UBA2: variants seen among roughly 807,000 people sequenced by gnomAD.
UBA2 encodes SUMO-activating enzyme subunit 2.
Under a neutral mutation model 77.2 loss-of-function variants are expected in UBA2, and 11 were observed. The observed-to-expected ratio is 0.14, with a 90% confidence interval of 0.09 to 0.24. UBA2 has a LOEUF of 0.24. Among genes scored for constraint, UBA2 ranks in the 10% least tolerant of loss-of-function variants. The pLI, the probability that UBA2 is intolerant of heterozygous loss-of-function variation, is 1.00. For synonymous variants in UBA2, 278 were observed against 276.7 expected (o/e 1.00, Z -0.05); for missense variants, 487 against 781.7 (o/e 0.62, Z 4.50).
At position 34,464,032 on chromosome 19, in the gene UBA2, A is replaced by C; in HGVS notation, c.1505A>C (p.Asn502Thr). 1 of 1,611,298 alleles carries C rather than the reference A, an allele frequency of 6.2e-7. No individual in the cohort carries two copies. Among genetic ancestry groups the C allele is most frequent in the Non-Finnish European group, 8.5e-7 (1 of 1,177,420 alleles). Residue 502 changes from asparagine to threonine, a missense_variant, in exon 15 of 17, where the codon AAT becomes ACT. Asn to Thr is a moderately conservative substitution (Grantham distance 65, BLOSUM62 0). Transcript: ENST00000246548. ...AATTATTCACGTTTCCTAGCTAATA[A>C]TCACAAGAAGTTGTCAGAATTTGGA... The part of the protein sequence containing the change: ...SSEEGETEAN[N>T]HKKLSEFGIR...
At chr19:34,432,357 A>G (rs2075265116) in intron 3 of UBA2, among the ~76,000 whole-genome samples, 2 of 152,226 alleles carry the variant, frequency 1.3e-5, no homozygotes, top group African/African-American at 4.8e-5. Context: ...TAGTATTGAC[A>G]GTACATAAAT....
intron 5 of UBA2, among the ~76,000 whole-genome samples, chr19:34,436,922 G>A (rs769834912): frequency 1.3e-5 from 2 of 152,146 alleles, no homozygotes; most frequent in African/African-American, 2.4e-5. Flanking sequence ...GAGGCCTTCA[G>A]TATCTGTTGA....
intron 12 of UBA2, among the ~76,000 whole-genome samples, chr19:34,457,179 A>AAAATATATATATATAT (rs1262007864): frequency 2.6e-4 from 14 of 53,214 alleles, no homozygotes; most frequent in African/African-American, 1.1e-3. Context: ...AAAAAAAAAA[A>AAAATATATATATATAT]ATATATATAT....
chr19:34,436,581 GAGCCGCCATGCCT>G (rs1444240666), intron 5 of UBA2, among the ~76,000 whole-genome samples: 1 of 152,202 alleles, frequency 6.6e-6, no homozygotes, highest in African/African-American at 2.4e-5. Flanking sequence ...TTATAGGTGT[GAGCCGCCATGCCT>G]GGCACATATC....
intron 12 of UBA2, among the ~76,000 whole-genome samples, chr19:34,457,493 T>G (rs1473878790): frequency 6.6e-6 from 1 of 152,086 alleles, no homozygotes; most frequent in African/African-American, 2.4e-5. Flanking sequence ...CAGTTTCCCT[T>G]AGCACACTTA....
intron 14 of UBA2, among the ~76,000 whole-genome samples, chr19:34,463,170 G>T (rs2075650953): frequency 2.0e-5 from 3 of 152,142 alleles, no homozygotes; most frequent in Admixed American, 6.5e-5. Flanking sequence ...TCTGGAGGCT[G>T]AGGTAGGAAG....
intron 15 of UBA2, 33 bp downstream of exon 15, chr19:34,464,164 T>G (rs1187533498): frequency 7.3e-7 from 1 of 1,362,742 alleles, no homozygotes; most frequent in East Asian, 2.3e-5. Context: ...TTGTAAGAAA[T>G]TATTTGAATA....
At chr19:34,437,188 C>A (rs2075317675) in intron 5 of UBA2, among the ~76,000 whole-genome samples, 1 of 151,726 alleles carries the variant, frequency 6.6e-6, no homozygotes. Flanking sequence ...TCTCAAACTC[C>A]TGACCTCAGG....
chr19:34,442,448 TG>T (rs1232737382), intron 6 of UBA2, among the ~76,000 whole-genome samples: 3 of 152,158 alleles, frequency 2.0e-5, no homozygotes, highest in Non-Finnish European at 2.9e-5. Context: ...ATGCTTTTTT[TG>T]TTGTTGTTTT....
intron 13 of UBA2, among the ~76,000 whole-genome samples, chr19:34,459,873 G>GT (rs2075611681): frequency 6.6e-6 from 1 of 152,192 alleles, no homozygotes; most frequent in Non-Finnish European, 1.5e-5. Flanking sequence ...GAAGTGGCAG[G>GT]TACAGCAGCG....
At chr19:34,464,658 G>C (rs1599935173) in intron 15 of UBA2, among the ~76,000 whole-genome samples, 1 of 152,024 alleles carries the variant, frequency 6.6e-6, no homozygotes, top group African/African-American at 2.4e-5. Flanking sequence ...CTAGAGTCCA[G>C]GTGTTTGAAC....
chr19:34,436,297 ATTTATTTG>A (rs148148270), intron 5 of UBA2, among the ~76,000 whole-genome samples: 14,457 of 151,706 alleles, frequency 0.095, 1,120 homozygotes, highest in African/African-American at 0.21. Context: ...TGGTTTATTT[ATTTATTTG>A]TTTATTTTTT....
At chr19:34,459,429 T>C (rs1339867205) in intron 13 of UBA2, among the ~76,000 whole-genome samples, 1 of 152,080 alleles carries the variant, frequency 6.6e-6, no homozygotes, top group Non-Finnish European at 1.5e-5. Flanking sequence ...ATTAGGGGGC[T>C]TTTGTTATTT....
chr19:34,459,687 G>C (rs2075609635), intron 13 of UBA2, among the ~76,000 whole-genome samples: 2 of 152,172 alleles, frequency 1.3e-5, no homozygotes, highest in South Asian at 4.2e-4. Context: ...TTCCACTTTG[G>C]GATCACTTCC....
intron 8 of UBA2, 71 bp from the exon 9 acceptor site, chr19:34,450,194 G>A: frequency 2.0e-6 from 2 of 1,018,342 alleles, no homozygotes; most frequent in Non-Finnish European, 3.0e-6. Context: ...ATATAGATCA[G>A]CAATGACGTT....
At chr19:34,466,758 A>G in intron 15 of UBA2, 120 bp from the exon 16 acceptor site, 1 of 725,202 alleles carries the variant, frequency 1.4e-6, no homozygotes, top group Non-Finnish European at 2.1e-6. Context: ...ATTAAAAAAA[A>G]AATTAGAATC....
rs1228862616 is a variant in UBA2, at chr19:34,445,019, A to C, written c.669A>C (p.Glu223Asp). 5.6e-6 allele frequency: 9 copies of C among 1,612,768 alleles called. No homozygotes were observed. The highest frequency in any genetic ancestry group is 7.6e-6 in the Non-Finnish European group (9 of 1,179,650). The change falls in exon 8 of 17, where the codon GAA becomes GAC. Residue 223 changes from glutamate to aspartate, a missense_variant. Glu to Asp is a conservative substitution (Grantham distance 45). Around this residue, in one of 9 missense-constraint regions of UBA2, gnomAD observed 300 missense variants for 454.3 expected, o/e 0.66. Transcript: ENST00000246548. ...TTATAGGGGAACCAACGGAAGCCGAAGCCAGAGCTAGAGCATCTAATGAAG... is the reference window on the plus strand; with the variant it reads ...TTATAGGGGAACCAACGGAAGCCGACGCCAGAGCTAGAGCATCTAATGAAG... ...PEAAWEPTEA[E>D]ARARASNEDG...
intron 7 of UBA2, among the ~76,000 whole-genome samples, chr19:34,444,638 C>A (rs888158095): frequency 3.3e-5 from 5 of 152,170 alleles, no homozygotes; most frequent in Non-Finnish European, 7.3e-5. Context: ...AAAACCCTGT[C>A]TCTACAAAAA....
intron 8 of UBA2, among the ~76,000 whole-genome samples, chr19:34,445,345 A>C (rs992076737): frequency 2.0e-5 from 3 of 152,134 alleles, no homozygotes; most frequent in African/African-American, 7.2e-5. Context: ...AGGAGGTAAA[A>C]TGAGAGGTGG....
Sources: gnomAD v4.1 joint callset for allele counts (sites outside exome capture counted in the v4.1 genomes callset) on GRCh38, gnomAD v4.1.1 for gene constraint, gnomAD v4.1.1 regional missense constraint, MANE v1.5 for transcripts, NCBI Gene and HGNC (gene_info 2026-07-23, HGNC 2026-07-21) for gene names.